The following RARB variants were observed in gnomAD, a reference collection of about 807,000 sequenced individuals.
RARB encodes the protein HBV-activated protein.
RARB carries 17 observed loss-of-function variants against 51.9 expected under a neutral mutation model. The observed-to-expected ratio is 0.33, with a 90% confidence interval of 0.22 to 0.49. The LOEUF is 0.49. Ranked by LOEUF, RARB falls within the 20% of genes least tolerant of loss-of-function variation. RARB has a pLI of 0.99. For missense variants in RARB, 369 were observed against 550.8 expected (o/e 0.67, Z 3.30); for synonymous variants, 215 against 195.4 (o/e 1.10, Z -0.84).
chr3:25,402,155 C>T (rs1018323590), intron 5 of RARB, among the ~76,000 whole-genome samples: 17 of 152,220 alleles, frequency 1.1e-4, no homozygotes, highest in African/African-American at 4.1e-4. Flanking sequence ...AAAAAAGCCA[C>T]AAATTTTCCA....
At chr3:25,481,032 A>G (rs927366047) in intron 2 of RARB, among the ~76,000 whole-genome samples, 1 of 152,214 alleles carries the variant, frequency 6.6e-6, no homozygotes, top group African/African-American at 2.4e-5. Context: ...ACTGCCCTAC[A>G]GGAATGTGGA....
intron 5 of RARB, among the ~76,000 whole-genome samples, chr3:25,367,939 T>A (rs899248534): frequency 1.3e-5 from 2 of 152,270 alleles, no homozygotes; most frequent in African/African-American, 4.8e-5. Context: ...CAATACTGTT[T>A]CATGCACTGG....
intron 2 of RARB, chr3:25,020,039 T>C (rs972268430): frequency 3.3e-5 from 5 of 151,886 alleles, no homozygotes; most frequent in Admixed American, 3.3e-4. Flanking sequence ...TGAGTAAGTA[T>C]AAGTTGGGGA....
rs374061086 is a variant in RARB at position 25,380,414 on chromosome 3, CT to C, written c.179-80777del. ...TCGATCCCAGGGCAGAGCAAACAGC[CT>C]TAACTCAGGTTTAGTTTTTTAGCAG... On this transcript the variant is annotated intron_variant, in intron 5 of 11. Coordinates refer to the RARB transcript ENST00000383772. Among the ~76,000 whole-genome samples, 12 of 152,306 alleles carry C rather than the reference CT, an allele frequency of 7.9e-5. No homozygotes were observed. In the East Asian group the frequency reaches 1.7e-3, roughly 22 times the overall value.
intron 2 of RARB, among the ~76,000 whole-genome samples, chr3:24,956,688 G>A (rs1002790954): frequency 1.3e-5 from 2 of 152,200 alleles, no homozygotes; most frequent in African/African-American, 4.8e-5. Flanking sequence ...CTATAATTTT[G>A]TCTCAAGTCT....
chr3:24,935,505 T>G (rs1399296480), intron 2 of RARB, among the ~76,000 whole-genome samples: 8 of 152,176 alleles, frequency 5.3e-5, no homozygotes, highest in Non-Finnish European at 8.8e-5. Flanking sequence ...TAGTCTGTTA[T>G]GATTTCACAG....
chr3:24,878,805 T>C (rs979649866), intron 2 of RARB, among the ~76,000 whole-genome samples: 1 of 152,204 alleles, frequency 6.6e-6, no homozygotes, highest in African/African-American at 2.4e-5. Context: ...GTCAGAATCT[T>C]TGTGGTTTTT....
intron 3 of RARB, among the ~76,000 whole-genome samples, chr3:25,535,447 C>T (rs1699102307): frequency 6.8e-6 from 1 of 147,774 alleles, no homozygotes; most frequent in Non-Finnish European, 1.5e-5. Flanking sequence ...TTCTGGAATA[C>T]ATGTGCAGAA....
chr3:25,346,914 T>C (rs550480947), intron 5 of RARB, among the ~76,000 whole-genome samples: 1 of 152,352 alleles, frequency 6.6e-6, no homozygotes, highest in East Asian at 1.9e-4. Flanking sequence ...AGGTCTGCCC[T>C]CATAGGCTAT....
chr3:24,952,238 T>C (rs76816986), intron 2 of RARB, among the ~76,000 whole-genome samples: 6,280 of 140,462 alleles, frequency 0.045, 194 homozygotes, highest in African/African-American at 0.09. Context: ...AAACAAAAAG[T>C]AACATTTGTT....
intron 3 of RARB, among the ~76,000 whole-genome samples, chr3:25,085,678 C>T (rs1699092211): frequency 6.6e-6 from 1 of 152,080 alleles, no homozygotes; most frequent in African/African-American, 2.4e-5. Flanking sequence ...CAGTGCCTGC[C>T]CAAATGATGA....
chr3:25,033,576 C>A (rs376207393), intron 2 of RARB, among the ~76,000 whole-genome samples: 3 of 152,118 alleles, frequency 2.0e-5, no homozygotes, highest in South Asian at 4.1e-4. Context: ...AGGAGACATG[C>A]CGATTATGTT....
intron 2 of RARB, among the ~76,000 whole-genome samples, chr3:24,915,214 C>A (rs549876482): frequency 1.1e-4 from 17 of 152,100 alleles, no homozygotes; most frequent in African/African-American, 3.4e-4. Flanking sequence ...TGCTATAGAC[C>A]CATGCTGTCC....
At chr3:25,269,234 T>A (rs907841664) in intron 5 of RARB, among the ~76,000 whole-genome samples, 1 of 152,178 alleles carries the variant, frequency 6.6e-6, no homozygotes, top group African/African-American at 2.4e-5. Context: ...CCTTGAATAG[T>A]CATAGAAATG....
chr3:25,070,532 C>A (rs959848714), intron 3 of RARB, among the ~76,000 whole-genome samples: 2 of 79,512 alleles, frequency 2.5e-5, no homozygotes, highest in Admixed American at 1.3e-4. Context: ...CAAAATAAGA[C>A]CCCCCACCCA....
intron 2 of RARB, among the ~76,000 whole-genome samples, chr3:25,058,395 A>C (rs10510555): frequency 0.016 from 2,490 of 151,876 alleles, 68 homozygotes; most frequent in African/African-American, 0.057. Flanking sequence ...GACCAATCTA[A>C]TGACTTTTGG....
intron 3 of RARB, among the ~76,000 whole-genome samples, chr3:25,106,468 G>GTTTTTTTTTTTTT (rs1239064966): frequency 2.6e-5 from 3 of 113,990 alleles, no homozygotes; most frequent in East Asian, 3.1e-4. Flanking sequence ...GTTTTTTTTT[G>GTTTTTTTTTTTTT]TTTTGTTTTT....
chr3:25,052,421 T>TA (rs946496735), intron 2 of RARB, among the ~76,000 whole-genome samples: 8 of 152,146 alleles, frequency 5.3e-5, no homozygotes, highest in African/African-American at 1.9e-4. Flanking sequence ...GAATTGTATA[T>TA]AAAAAAATAC....
At chr3:24,968,545 T>C (rs1011751315) in intron 2 of RARB, among the ~76,000 whole-genome samples, 6 of 152,106 alleles carry the variant, frequency 3.9e-5, no homozygotes, top group Admixed American at 3.9e-4. Context: ...CTACCTCTTG[T>C]TTCTGTGGAC....
Sources: gnomAD v4.1 joint callset for allele counts (sites outside exome capture counted in the v4.1 genomes callset) on GRCh38, gnomAD v4.1.1 for gene constraint, MANE v1.5 for transcripts, NCBI Gene and HGNC (gene_info 2026-07-23, HGNC 2026-07-21) for gene names.